The following AOAH variants were observed in gnomAD, a reference collection of about 807,000 sequenced individuals.
The protein encoded by AOAH is acyloxyacyl hydrolase (neutrophil).
AOAH carries 64 observed loss-of-function variants against 92.2 expected under a neutral mutation model. That is an observed-to-expected ratio of 0.69 (90% CI 0.57 to 0.86). The LOEUF is 0.86. AOAH is among the 40% of genes least tolerant of loss of function. The probability of loss-of-function intolerance (pLI) is 0.00; values close to 1 mark genes in which losing one functional copy is unlikely to be tolerated. For synonymous variants in AOAH, 263 were observed against 254.5 expected (o/e 1.03, Z -0.32); for missense variants, 656 against 694.6 (o/e 0.94, Z 0.62).
rs200856759 is a variant in AOAH, at chr7:36,538,008, CT to C, written c.1306+2310del. 5.7e-3 allele frequency among the ~76,000 whole-genome samples: 723 copies of C among 127,844 alleles called. 3 individuals carry two copies. The highest frequency in any genetic ancestry group is 0.012 in the African/African-American group (407 of 34,562). 83.9% of individuals were successfully genotyped at this position (127,844 alleles called of 152,430 possible). A position where few individuals can be genotyped will look rare whatever the true frequency, so the allele number is the denominator to read the frequency against. On this transcript the variant is annotated intron_variant, in intron 16 of 20. Transcript: ENST00000617537. The stretch of plus-strand genomic sequence containing the variant: ...CATGCTTACATACCATTCGTACATT[CT>C]TTTTTTTTTTTTTTTTGGACAGAGT...
At chr7:36,671,265 T>C (rs1287401394) in intron 3 of AOAH, among the ~76,000 whole-genome samples, 1 of 152,210 alleles carries the variant, frequency 6.6e-6, no homozygotes, top group Non-Finnish European at 1.5e-5. Flanking sequence ...TTGAAGACTT[T>C]CCATGCTTAA....
intron 19 of AOAH, among the ~76,000 whole-genome samples, chr7:36,524,720 C>T (rs1220848273): frequency 6.6e-6 from 1 of 151,344 alleles, no homozygotes; most frequent in Admixed American, 6.6e-5. Context: ...TAAAATGCAC[C>T]CCAGAGGGCT....
intron 3 of AOAH, among the ~76,000 whole-genome samples, chr7:36,660,734 T>C (rs2116540762): frequency 1.3e-5 from 2 of 152,372 alleles, no homozygotes; most frequent in South Asian, 4.1e-4. Flanking sequence ...ATTCAACGTA[T>C]CTGATTCCAT....
intron 4 of AOAH, among the ~76,000 whole-genome samples, chr7:36,651,194 T>C (rs918995254): frequency 6.6e-5 from 10 of 152,244 alleles, no homozygotes; most frequent in African/African-American, 2.4e-4. Flanking sequence ...TGTTTGTCTA[T>C]AGCCTCCTGC....
intron 4 of AOAH, among the ~76,000 whole-genome samples, chr7:36,655,851 A>G (rs931336197): frequency 1.3e-5 from 2 of 152,208 alleles, no homozygotes; most frequent in Non-Finnish European, 2.9e-5. Context: ...ATAGTGGTAG[A>G]GACAGGCAGG....
intron 4 of AOAH, among the ~76,000 whole-genome samples, chr7:36,652,249 C>A (rs1371458804): frequency 2.6e-5 from 4 of 151,732 alleles, no homozygotes; most frequent in Non-Finnish European, 5.9e-5. Flanking sequence ...CCACCCTAAG[C>A]TTCCAATGGT....
chr7:36,631,425 C>G (rs950082612), intron 6 of AOAH, among the ~76,000 whole-genome samples: 1 of 151,916 alleles, frequency 6.6e-6, no homozygotes, highest in African/African-American at 2.4e-5. Flanking sequence ...TGTGCCCTCT[C>G]AAGACATGGC....
intron 1 of AOAH, among the ~76,000 whole-genome samples, chr7:36,705,268 T>C (rs955600785): frequency 1.1e-4 from 17 of 152,190 alleles, no homozygotes; most frequent in African/African-American, 3.9e-4. Context: ...CTCCTTAAGC[T>C]GATAAGCAAC....
intron 13 of AOAH, among the ~76,000 whole-genome samples, chr7:36,559,392 C>T (rs1787091568): frequency 6.6e-6 from 1 of 152,202 alleles, no homozygotes; most frequent in African/African-American, 2.4e-5. Context: ...TTTTTCTCTG[C>T]AGCCATGTCA....
chr7:36,659,189 A>C lies in AOAH; in HGVS notation c.367T>G (p.Cys123Gly), dbSNP rs1268653146. The change falls in exon 4 of 21, where the codon TGT becomes GGT. Residue 123 changes from cysteine (C) to glycine (G), a missense_variant. Transcript: ENST00000617537. Reference protein sequence around the residue: ...FCKQNTGQPLCHLYPLPKETW... With the variant: ...FCKQNTGQPLGHLYPLPKETW... ...ACCTTGGGAAGAGGGTAGAGATGAC[A>C]CAATGGTTGGCCAGTGTTCTGTTTA... 2 of 1,613,986 alleles carry C rather than the reference A, an allele frequency of 1.2e-6. No homozygotes were observed. Among genetic ancestry groups the C allele is most frequent in the Non-Finnish European group, 1.7e-6 (2 of 1,179,808 alleles).
In AOAH at chr7:36,585,780, G is replaced by A. The variant is rs184235819; in HGVS notation, c.938+8559C>T. On this transcript the variant is annotated intron_variant, in intron 12 of 20. Transcript: ENST00000617537. ...GTACAAATGAAAATACACAGAAAGG[G>A]CCTGGATGGAATCACACTAAACTGA... is the stretch of plus-strand genomic sequence containing the variant. 4.4e-3 allele frequency among the ~76,000 whole-genome samples: 665 copies of A among 152,238 alleles called. 2 individuals are homozygous for A. The highest frequency in any genetic ancestry group is 7.8e-3 in the Non-Finnish European group (529 of 68,010).
chr7:36,648,629 C>CTTT (rs751147956), intron 4 of AOAH, among the ~76,000 whole-genome samples: 1 of 131,246 alleles, frequency 7.6e-6, no homozygotes. Context: ...TTTATGGTTC[C>CTTT]TTTTTTTTTT....
At chr7:36,678,948 C>T (rs1053878242) in intron 2 of AOAH, among the ~76,000 whole-genome samples, 2 of 152,144 alleles carry the variant, frequency 1.3e-5, no homozygotes, top group Non-Finnish European at 2.9e-5. Context: ...AAAAATTATA[C>T]TGTTAAACTC....
intron 1 of AOAH, among the ~76,000 whole-genome samples, chr7:36,691,880 C>T (rs1797419704): frequency 6.6e-6 from 1 of 152,172 alleles, no homozygotes; most frequent in Non-Finnish European, 1.5e-5. Flanking sequence ...TTTGACACTG[C>T]AGCTGTGAGC....
intron 13 of AOAH, among the ~76,000 whole-genome samples, chr7:36,553,930 G>C (rs1299340987): frequency 6.6e-6 from 1 of 152,052 alleles, no homozygotes; most frequent in Non-Finnish European, 1.5e-5. Flanking sequence ...CCATTTTGTA[G>C]GTTGCCTGTT....
chr7:36,623,347 G>GCATAAACTCAAC, intron 6 of AOAH, 97 bp from the exon 7 acceptor site: 1 of 1,089,176 alleles, frequency 9.2e-7, no homozygotes, highest in Non-Finnish European at 1.4e-6. Context: ...CAGCTCTGTT[G>GCATAAACTCAAC]AGTTTATGCC....
At chr7:36,567,684 G>A (rs1256933864) in intron 13 of AOAH, among the ~76,000 whole-genome samples, 2 of 152,192 alleles carry the variant, frequency 1.3e-5, no homozygotes, top group South Asian at 4.1e-4. Context: ...GGCCTGTGAG[G>A]ACATCAACCT....
chr7:36,695,640 C>G (rs1054571540), intron 1 of AOAH, among the ~76,000 whole-genome samples: 2 of 152,160 alleles, frequency 1.3e-5, no homozygotes, highest in African/African-American at 4.8e-5. Context: ...AAGTGCCACA[C>G]TACATATATT....
At chr7:36,643,659 G>A (rs551385799) in intron 4 of AOAH, among the ~76,000 whole-genome samples, 11 of 152,258 alleles carry the variant, frequency 7.2e-5, no homozygotes, top group African/African-American at 2.4e-4. Context: ...TATGGTTTGG[G>A]TTTGTGTCTC....
Sources: gnomAD v4.1 joint callset for allele counts (sites outside exome capture counted in the v4.1 genomes callset) on GRCh38, gnomAD v4.1.1 for gene constraint, MANE v1.5 for transcripts, NCBI Gene and HGNC (gene_info 2026-07-23, HGNC 2026-07-21) for gene names.